Variants in TTC39C observed in about 807,000 individuals in gnomAD.
The protein encoded by TTC39C is tetratricopeptide repeat protein 39C.
A neutral mutation model predicts 76.3 loss-of-function variants in TTC39C; 33 were observed. The observed-to-expected ratio is 0.43, with a 90% CI of 0.33 to 0.58. TTC39C has a LOEUF of 0.58. Ranked by LOEUF, TTC39C falls within the 20% of genes least tolerant of loss-of-function variation. TTC39C has a pLI of 0.04. For synonymous variants in TTC39C, 254 were observed against 260.6 expected (o/e 0.97, Z 0.24); for missense variants, 595 against 701.4 (o/e 0.85, Z 1.71).
rs1242809935 is a variant in TTC39C at position 24,135,016 on chromosome 18, AT to A, written c.*2446del. The A allele has an allele frequency of 1.3e-5, 2 of 151,760 alleles. No individual in the cohort carries two copies. Among genetic ancestry groups the A allele is most frequent in the African/African-American group, 2.4e-5 (1 of 41,264 alleles). 9.4% of individuals were successfully genotyped at this position (151,760 alleles called of 1,614,324 possible). A position where few individuals can be genotyped will look rare whatever the true frequency, so the allele number is the denominator to read the frequency against. ...ATTTTTAATCTTTATTTTTATTTTT[AT>A]TTTGAAACAGAGTCTCACTCTGTTG... On this transcript the variant is annotated 3_prime_UTR_variant, in exon 14 of 14. Transcript: ENST00000317571.
intron 1 of TTC39C, among the ~76,000 whole-genome samples, chr18:24,030,749 C>G (rs1259777545): frequency 4.8e-5 from 7 of 146,814 alleles, no homozygotes; most frequent in Non-Finnish European, 1.0e-4. Flanking sequence ...CTCCCAGGTT[C>G]AAGCGATTCT....
intron 1 of TTC39C, among the ~76,000 whole-genome samples, chr18:24,030,096 A>T (rs1342191308): frequency 1.7e-4 from 26 of 152,318 alleles, no homozygotes; most frequent in African/African-American, 6.3e-4. Flanking sequence ...TATAATGAAA[A>T]TATCTTGATT....
chr18:24,019,969 C>A, intron 1 of TTC39C: 1 of 1,476,674 alleles, frequency 6.8e-7, no homozygotes, highest in Non-Finnish European at 8.9e-7. Context: ...CTGCCTAAAA[C>A]CATGTCAGAT....
At chr18:24,116,145 TTTATTCCTGAA>T (rs1365433210) in intron 7 of TTC39C, among the ~76,000 whole-genome samples, 1 of 152,252 alleles carries the variant, frequency 6.6e-6, no homozygotes, top group African/African-American at 2.4e-5. Flanking sequence ...TTATTCCTTA[TTTATTCCTGAA>T]TTATTCCTGA....
rs572467575 is a variant in TTC39C, at chr18:24,080,160, A to G, written c.461-425A>G. On this transcript the variant is annotated intron_variant, in intron 4 of 13. Transcript: ENST00000317571. ...GCCAAGAACTTGCTTTTGAGGAGGA[A>G]TGTAACACAGGGTAGACAAATGCAA... 2.0e-4 allele frequency among the ~76,000 whole-genome samples: 31 copies of G among 152,332 alleles called. No homozygotes were observed. In the East Asian group the frequency reaches 2.5e-3, roughly 12 times the overall value.
intron 6 of TTC39C, among the ~76,000 whole-genome samples, chr18:24,110,933 A>G: frequency 6.6e-6 from 1 of 152,276 alleles, no homozygotes; most frequent in Admixed American, 6.5e-5. Flanking sequence ...AGATGGCACT[A>G]AGTCAGTCCT....
chr18:24,080,566 T>C lies in TTC39C; in HGVS notation c.461-19T>C. 6.5e-7 allele frequency: 1 copy of C among 1,529,950 alleles called. No homozygotes were observed. The highest frequency in any genetic ancestry group is 8.8e-7 in the Non-Finnish European group (1 of 1,131,178). The allele number at this position is 1,529,950 out of a possible 1,614,324, so 94.8% of individuals were successfully genotyped here. A position where few individuals can be genotyped will look rare whatever the true frequency, so the allele number is the denominator to read the frequency against. ...TTATTTTGAATGTTTTTGAATCTTT[T>C]CTCCCCTTCTCTTTTTAGCTTATAT... On this transcript the variant is annotated intron_variant, in intron 4 of 13. Transcript: ENST00000317571.
intron 4 of TTC39C, among the ~76,000 whole-genome samples, chr18:24,078,633 A>C (rs1167155243): frequency 3.3e-5 from 5 of 152,220 alleles, no homozygotes; most frequent in Non-Finnish European, 5.9e-5. Flanking sequence ...AGGATGTGCT[A>C]ATTTGCTCCA....
chr18:24,005,844 C>CA (rs71746829), intron 1 of TTC39C, among the ~76,000 whole-genome samples: 30,237 of 122,586 alleles, frequency 0.25, 3,574 homozygotes, highest in East Asian at 0.58. Flanking sequence ...GACCCTGTCT[C>CA]AAAAAAAAAA....
At chr18:24,062,765 T>A (rs2084115752) in intron 1 of TTC39C, among the ~76,000 whole-genome samples, 1 of 152,152 alleles carries the variant, frequency 6.6e-6, no homozygotes, top group African/African-American at 2.4e-5. Context: ...TCACACACAC[T>A]GTCTTTCTCT....
chr18:24,120,453 C>A (rs1373887802), intron 8 of TTC39C, among the ~76,000 whole-genome samples: 1 of 152,202 alleles, frequency 6.6e-6, no homozygotes, highest in Non-Finnish European at 1.5e-5. Flanking sequence ...CATTCAGGGA[C>A]CCCAAACACT....
chr18:24,053,159 A>G (rs1449525297), intron 1 of TTC39C, among the ~76,000 whole-genome samples: 2 of 152,210 alleles, frequency 1.3e-5, no homozygotes, highest in Non-Finnish European at 2.9e-5. Context: ...CTTAATAACA[A>G]TATGAATCAT....
intron 6 of TTC39C, among the ~76,000 whole-genome samples, chr18:24,098,426 TTCC>T (rs2084620945): frequency 8.8e-6 from 1 of 113,474 alleles, no homozygotes; most frequent in Non-Finnish European, 1.7e-5. Context: ...CCTTCCTTCC[TTCC>T]TCCTTTCCTT....
chr18:24,125,432 G>A lies in TTC39C; in HGVS notation c.1302G>A (p.Glu434=). The A allele has an allele frequency of 6.2e-7, 1 of 1,614,162 alleles. No individual in the cohort carries two copies. The highest frequency in any genetic ancestry group is 1.3e-5 in the African/African-American group (1 of 75,034). ...QIEQFSVKKA[E]RFRKQTPTKA... ...TTTATTCTGACTCCTTGCAGGCAGA[G>A]CGATTTCGGAAGCAAACCCCAACCA... The change falls in exon 10 of 14, where the codon GAG becomes GAA. Residue 434 remains glutamate (E), a synonymous_variant. Transcript: ENST00000317571.
intron 1 of TTC39C, chr18:24,016,509 A>G (rs2083456334): frequency 2.5e-6 from 1 of 392,666 alleles, no homozygotes; most frequent in Non-Finnish European, 4.5e-6. Flanking sequence ...TGATTTAGGT[A>G]CTTGCATGTT....
At chr18:24,077,325 G>A (rs2084319659) in intron 4 of TTC39C, 1 of 152,176 alleles carries the variant, frequency 6.6e-6, no homozygotes, top group African/African-American at 2.4e-5. Flanking sequence ...GAATGGGTAG[G>A]AGTAAAGTGT....
chr18:24,033,745 G>A (rs1223352694), intron 1 of TTC39C, among the ~76,000 whole-genome samples: 1 of 152,224 alleles, frequency 6.6e-6, no homozygotes, highest in African/African-American at 2.4e-5. Context: ...CATTATGTAT[G>A]TAACATGATC....
chr18:23,997,004 G>A (rs1223312447), intron 1 of TTC39C, among the ~76,000 whole-genome samples: 1 of 152,174 alleles, frequency 6.6e-6, no homozygotes, highest in South Asian at 2.1e-4. Flanking sequence ...AGCTACTTGG[G>A]AGGCTGACAC....
chr18:24,085,915 C>G (rs1320305734), intron 6 of TTC39C, among the ~76,000 whole-genome samples: 1 of 152,150 alleles, frequency 6.6e-6, no homozygotes, highest in African/African-American at 2.4e-5. Context: ...CCCAAGGTGC[C>G]CAGACAGCAG....
Sources: gnomAD v4.1 joint callset for allele counts (sites outside exome capture counted in the v4.1 genomes callset) on GRCh38, gnomAD v4.1.1 for gene constraint, MANE v1.5 for transcripts, NCBI Gene and HGNC (gene_info 2026-07-23, HGNC 2026-07-21) for gene names.